CDH20: variants seen among roughly 807,000 people sequenced by gnomAD.
CDH20 encodes cadherin-20.
A neutral mutation model predicts 74.2 loss-of-function variants in CDH20; 29 were observed. That is an observed-to-expected ratio of 0.39 (90% CI 0.29 to 0.53). The LOEUF is 0.53. CDH20 is among the 20% of genes least tolerant of loss of function. The probability of loss-of-function intolerance (pLI) is 0.69; values close to 1 mark genes in which losing one functional copy is unlikely to be tolerated. For missense variants in CDH20, 988 were observed against 1,048.3 expected, an observed-to-expected ratio of 0.94 and a Z score of 0.79; for synonymous variants, 469 against 405.4, an observed-to-expected ratio of 1.16 and a Z score of -1.88.
intron 1 of CDH20, among the ~76,000 whole-genome samples, chr18:61,417,616 G>C (rs1274269894): frequency 1.7e-5 from 2 of 116,284 alleles, no homozygotes; most frequent in East Asian, 5.1e-4. Context: ...TTGAATTCAT[G>C]GAGATAGGGA....
Position 61,354,181 on chromosome 18 carries a change from C to T in CDH20, c.-153+20354C>T, listed in dbSNP as rs1910413458. On this transcript the variant is annotated intron_variant, in intron 1 of 11. Coordinates refer to ENST00000262717, the MANE Select transcript of CDH20 (RefSeq NM_031891.4). ...GGATGACACTGATCTGGAACATTTC[C>T]ACCTGTGCAGATGGTTCTCTTAGTG... Among the ~76,000 whole-genome samples the T allele has an allele frequency of 2.0e-5, 3 of 152,204 alleles. No homozygotes were observed. In the South Asian group the frequency reaches 6.2e-4, roughly 32 times the overall value.
At chr18:61,384,147 G>A (rs926760515) in intron 1 of CDH20, among the ~76,000 whole-genome samples, 1 of 152,192 alleles carries the variant, frequency 6.6e-6, no homozygotes, top group Non-Finnish European at 1.5e-5. Flanking sequence ...TGAATAGACT[G>A]TCTCAGGCTA....
intron 1 of CDH20, among the ~76,000 whole-genome samples, chr18:61,344,184 G>A (rs547853147): frequency 9.2e-5 from 14 of 152,276 alleles, no homozygotes; most frequent in African/African-American, 3.4e-4. Context: ...GAATACACAG[G>A]AAAGAGGATC....
chr18:61,367,457 G>A (rs1332547822), intron 1 of CDH20, among the ~76,000 whole-genome samples: 1 of 152,178 alleles, frequency 6.6e-6, no homozygotes, highest in Non-Finnish European at 1.5e-5. Context: ...TACTTCACAA[G>A]TCTAAAATGG....
At chr18:61,386,190 A>G (rs1428918916) in intron 1 of CDH20, among the ~76,000 whole-genome samples, 5 of 152,164 alleles carry the variant, frequency 3.3e-5, no homozygotes, top group Admixed American at 3.3e-4. Context: ...ATCCTTTGCT[A>G]TGGTCTGAAT....
rs950970760 is a variant in CDH20, at chr18:61,366,664, G to A, written c.-153+32837G>A. Among the ~76,000 whole-genome samples, 4 of 152,016 alleles carry A rather than the reference G, an allele frequency of 2.6e-5. No homozygotes were observed. In the South Asian group the frequency reaches 8.3e-4, roughly 32 times the overall value. ...CCTTAATTATAATTTAAAATAATTT[G>A]TTATACAAATTAGTCTAGAAAAATT... On this transcript the variant is annotated intron_variant, in intron 1 of 11. Transcript: ENST00000262717.
chr18:61,478,208 A>AG (rs1212284795), intron 1 of CDH20, among the ~76,000 whole-genome samples: 2 of 152,080 alleles, frequency 1.3e-5, no homozygotes, highest in East Asian at 1.9e-4. Flanking sequence ...CAAAAAAAAA[A>AG]AAAAAGTAAA....
At chr18:61,408,417 G>A (rs1427227944) in intron 1 of CDH20, among the ~76,000 whole-genome samples, 1 of 152,162 alleles carries the variant, frequency 6.6e-6, no homozygotes, top group Non-Finnish European at 1.5e-5. Flanking sequence ...AAGACATAAG[G>A]TTTTAGGCTG....
chr18:61,347,774 T>C (rs1438651375), intron 1 of CDH20, among the ~76,000 whole-genome samples: 3 of 152,106 alleles, frequency 2.0e-5, no homozygotes, highest in South Asian at 2.1e-4. Context: ...TAATCTAGAG[T>C]TTCCTCAATA....
chr18:61,548,763 G>A (rs1459801229), intron 10 of CDH20, among the ~76,000 whole-genome samples: 2 of 152,182 alleles, frequency 1.3e-5, no homozygotes, highest in Non-Finnish European at 2.9e-5. Context: ...AAAGAGCATG[G>A]AGACTTACAC....
chr18:61,410,913 A>T (rs7234428), intron 1 of CDH20, among the ~76,000 whole-genome samples: 149,934 of 152,330 alleles, frequency 0.98, 73,830 homozygotes, highest in East Asian at 1. Context: ...AATATGTATA[A>T]GGCGGGGCTG....
intron 1 of CDH20, among the ~76,000 whole-genome samples, chr18:61,432,657 C>T (rs1282210714): frequency 6.6e-6 from 1 of 152,184 alleles, no homozygotes; most frequent in Non-Finnish European, 1.5e-5. Context: ...GAACTGCATT[C>T]AATGCCACCC....
At chr18:61,476,510 G>C (rs1019679069) in intron 1 of CDH20, among the ~76,000 whole-genome samples, 3 of 152,136 alleles carry the variant, frequency 2.0e-5, no homozygotes, top group Non-Finnish European at 2.9e-5. Flanking sequence ...ACATTTTGAG[G>C]TGATTTATTT....
chr18:61,496,116 TCCTCTCCC>T (rs1383402072), intron 2 of CDH20, among the ~76,000 whole-genome samples: 3 of 38,340 alleles, frequency 7.8e-5, no homozygotes, highest in Non-Finnish European at 9.6e-5. Flanking sequence ...TCTCCTCCCT[TCCTCTCCC>T]CCTCTCTCCT....
intron 1 of CDH20, among the ~76,000 whole-genome samples, chr18:61,415,096 T>C (rs1197153600): frequency 6.6e-6 from 1 of 152,152 alleles, no homozygotes; most frequent in African/African-American, 2.4e-5. Context: ...CCCAACTATA[T>C]ATGTAACCTC....
chr18:61,393,171 TCA>T (rs2144208051), intron 1 of CDH20, among the ~76,000 whole-genome samples: 1 of 152,308 alleles, frequency 6.6e-6, no homozygotes, highest in East Asian at 1.9e-4. Context: ...TAAGATAGTC[TCA>T]CTTTCCTGAA....
At chr18:61,541,290 T>TTA (rs886661347) in intron 9 of CDH20, among the ~76,000 whole-genome samples, 6 of 151,138 alleles carry the variant, frequency 4.0e-5, no homozygotes, top group East Asian at 1.9e-4. Context: ...ATTATAAAAT[T>TTA]TATATATATG....
intron 10 of CDH20, 134 bp downstream of exon 10, chr18:61,545,278 ATTTTTTT>A: frequency 2.1e-6 from 1 of 482,960 alleles, no homozygotes; most frequent in Non-Finnish European, 3.7e-6. Flanking sequence ...AATTCAGTGT[ATTTTTTT>A]TTTTTTTTTT....
chr18:61,501,824 G>A (rs989677827), intron 4 of CDH20, among the ~76,000 whole-genome samples: 2 of 152,140 alleles, frequency 1.3e-5, no homozygotes, highest in African/African-American at 2.4e-5. Flanking sequence ...AAAAATGCAG[G>A]GAGGAAGAGG....
Sources: allele counts gnomAD v4.1 joint callset (sites outside exome capture counted in the v4.1 genomes callset), GRCh38; gene constraint gnomAD v4.1.1; transcripts MANE v1.5; gene names NCBI Gene and HGNC (gene_info 2026-07-23, HGNC 2026-07-21).